The following SUMF1 variants were observed in gnomAD, a reference collection of about 807,000 sequenced individuals.
SUMF1 encodes sulfatase modifying factor 1, also known as formylglycine-generating enzyme.
Under a neutral mutation model 47.6 loss-of-function variants are expected in SUMF1, and 48 were observed. The observed-to-expected ratio is 1.01, with a 90% CI of 0.80 to 1.28. The LOEUF (loss-of-function observed/expected upper bound fraction) is 1.28, where lower values mean the gene tolerates loss of function less well. SUMF1 is among the 50% of genes most tolerant of loss of function. The pLI is 0.00. For synonymous variants in SUMF1, 230 were observed against 192.1 expected, an observed-to-expected ratio of 1.20 and a Z score of -1.63; for missense variants, 571 against 485.4, an observed-to-expected ratio of 1.18 and a Z score of -1.66.
chr3:4,269,082 C>T (rs930987206), intron 8 of SUMF1, among the ~76,000 whole-genome samples: 2 of 152,138 alleles, frequency 1.3e-5, no homozygotes, highest in African/African-American at 2.4e-5. Flanking sequence ...CCACCCAGAT[C>T]AGTGATGATC....
rs1244416541 is a variant in SUMF1, at chr3:4,376,405, A to G, written c.955-16T>C. 6.2e-7 allele frequency: 1 copy of G among 1,614,036 alleles called. No homozygotes were observed. The highest frequency in any genetic ancestry group is 8.5e-7 in the Non-Finnish European group (1 of 1,179,894). On this transcript the variant is annotated splice_polypyrimidine_tract_variant and intron_variant, in intron 7 of 8. Coordinates refer to ENST00000272902, the MANE Select transcript of SUMF1 (RefSeq NM_182760.4). Reference sequence around the variant, plus strand: ...GGGGACCTTTCTACAGATGAAGAAAAAAGGCTATGTTAGACCAGAAGGCAA... The same window carrying G: ...GGGGACCTTTCTACAGATGAAGAAAGAAGGCTATGTTAGACCAGAAGGCAA...
At chr3:4,049,634 A>G (rs1695069082) in intron 9 of SUMF1, among the ~76,000 whole-genome samples, 1 of 152,142 alleles carries the variant, frequency 6.6e-6, no homozygotes, top group East Asian at 1.9e-4. Context: ...CCAGGGCAGC[A>G]TTCAGGGTTG....
chr3:4,254,783 G>C (rs1223160490), intron 8 of SUMF1, among the ~76,000 whole-genome samples: 1 of 149,420 alleles, frequency 6.7e-6, no homozygotes, highest in Non-Finnish European at 1.5e-5. Context: ...GATACTCCTC[G>C]AGAAGAGCAA....
chr3:4,301,271 T>C (rs1697957825), intron 8 of SUMF1, among the ~76,000 whole-genome samples: 1 of 152,124 alleles, frequency 6.6e-6, no homozygotes, highest in African/African-American at 2.4e-5. Context: ...TAGAATGGCT[T>C]TTTGAGGGAA....
rs533718093 is a variant in SUMF1 at position 4,053,337 on chromosome 3, T to C, written c.1191+15232A>G. ...TTACAATAGTAACATCAAAGATCAA[T>C]GATCACAGATCACTGTAACAGATAT... On this transcript the variant is annotated intron_variant and NMD_transcript_variant, in intron 9 of 12. Coordinates refer to the SUMF1 transcript ENST00000448413. Among the ~76,000 whole-genome samples the C allele has an allele frequency of 1.6e-4, 25 of 152,216 alleles. No individual in the cohort carries two copies. In the South Asian group the frequency reaches 5.2e-3, roughly 32 times the overall value.
chr3:4,280,966 A>C (rs550586974), intron 8 of SUMF1, among the ~76,000 whole-genome samples: 10 of 151,912 alleles, frequency 6.6e-5, no homozygotes, highest in African/African-American at 2.4e-4. Context: ...ACCTGCAAAG[A>C]CCCTATTTCC....
intron 8 of SUMF1, among the ~76,000 whole-genome samples, chr3:4,245,955 C>T (rs1696658193): frequency 1.3e-5 from 2 of 152,312 alleles, no homozygotes; most frequent in South Asian, 4.1e-4. Context: ...CCTACTGAAG[C>T]CTCAGCAATC....
At chr3:4,296,612 T>C (rs1559206957) in intron 8 of SUMF1, among the ~76,000 whole-genome samples, 2 of 152,148 alleles carry the variant, frequency 1.3e-5, no homozygotes, top group African/African-American at 4.8e-5. Context: ...ACTTACTCAC[T>C]ATCAGGAGAA....
intron 8 of SUMF1, chr3:4,316,359 T>C: frequency 2.0e-6 from 3 of 1,531,972 alleles, no homozygotes; most frequent in Non-Finnish European, 2.6e-6. Flanking sequence ...GCAGTGGTGG[T>C]TCAAGAAGTT....
chr3:4,189,278 T>C (rs556173427), intron 8 of SUMF1, among the ~76,000 whole-genome samples: 1 of 152,268 alleles, frequency 6.6e-6, no homozygotes, highest in African/African-American at 2.4e-5. Flanking sequence ...CCAGCAGACT[T>C]CTGCATTTTG....
intron 8 of SUMF1, among the ~76,000 whole-genome samples, chr3:4,215,492 G>A (rs1203463813): frequency 1.3e-5 from 2 of 152,174 alleles, no homozygotes; most frequent in Non-Finnish European, 2.9e-5. Flanking sequence ...CACAAGGCAA[G>A]GATGCCCTCT....
Position 4,320,202 on chromosome 3 carries a change from C to G in SUMF1, c.1014+56128G>C, listed in dbSNP as rs139500957. On this transcript the variant is annotated intron_variant and NMD_transcript_variant, in intron 8 of 12. Transcript: ENST00000448413. ...AGGAATGCAGACTGTGACAAGAGAA[C>G]ATAACTATTAGTACAAATGTAGGAA... Among the ~76,000 whole-genome samples the G allele has an allele frequency of 4.3e-4, 65 of 152,186 alleles. No homozygotes were observed. In the East Asian group the frequency reaches 0.01, roughly 24 times the overall value.
rs925287373 is a variant in SUMF1, at chr3:4,435,796, G to A, written c.519+13470C>T. Among the ~76,000 whole-genome samples, 78 of 152,256 alleles carry A rather than the reference G, an allele frequency of 5.1e-4. 4 individuals are homozygous for A. Among genetic ancestry groups the A allele is most frequent in the South Asian group, 1.7e-3 (8 of 4,834 alleles). ...GAAAATTCCCTTCAGGAATGAAGGT[G>A]AAATAAAAACATCAGATGAAGAAAA... On this transcript the variant is annotated intron_variant, in intron 3 of 8. Transcript: ENST00000272902.
At chr3:4,291,142 ACT>A (rs1697734798) in intron 8 of SUMF1, among the ~76,000 whole-genome samples, 1 of 152,038 alleles carries the variant, frequency 6.6e-6, no homozygotes, top group South Asian at 2.1e-4. Context: ...ATTCCCGATA[ACT>A]CTATCATGGT....
rs372092145 is a variant in SUMF1 at position 4,183,620 on chromosome 3, AG to A, written c.1015-114876del. On this transcript the variant is annotated intron_variant and NMD_transcript_variant, in intron 8 of 12. Coordinates refer to the SUMF1 transcript ENST00000448413. ...AGCATTACAGGCTCACTTCTTTGGC[AG>A]GATCTACACCTAAATAACTCATGAT... is the stretch of plus-strand genomic sequence containing the variant. Among the ~76,000 whole-genome samples the A allele has an allele frequency of 3.6e-3, 492 of 136,768 alleles. 4 individuals are homozygous for A. Among genetic ancestry groups the A allele is most frequent in the African/African-American group, 0.013 (459 of 36,640 alleles). 89.7% of individuals were successfully genotyped at this position (136,768 alleles called of 152,430 possible). A position where few individuals can be genotyped will look rare whatever the true frequency, so the allele number is the denominator to read the frequency against.
intron 8 of SUMF1, among the ~76,000 whole-genome samples, chr3:4,298,409 C>T (rs1697901855): frequency 6.6e-6 from 1 of 152,034 alleles, no homozygotes; most frequent in South Asian, 2.1e-4. Context: ...GATCCTCTGC[C>T]AGCAAGATAA....
chr3:4,070,222 C>T (rs1050072428), intron 8 of SUMF1, among the ~76,000 whole-genome samples: 1 of 152,260 alleles, frequency 6.6e-6, no homozygotes, highest in Non-Finnish European at 1.5e-5. Flanking sequence ...TGATTGATGT[C>T]TCATGCCTCC....
chr3:4,359,440 A>G (rs1017749070), downstream of SUMF1, among the ~76,000 whole-genome samples: 8 of 152,068 alleles, frequency 5.3e-5, no homozygotes, highest in Admixed American at 5.2e-4. Context: ...GCCATGCCCA[A>G]CTAATTTTGA....
chr3:4,427,345 C>A (rs1702101024), intron 3 of SUMF1, among the ~76,000 whole-genome samples: 1 of 152,034 alleles, frequency 6.6e-6, no homozygotes, highest in African/African-American at 2.4e-5. Flanking sequence ...CATCAGTGAA[C>A]AATGAGAAAT....
Sources: allele counts gnomAD v4.1 joint callset (sites outside exome capture counted in the v4.1 genomes callset), GRCh38; gene constraint gnomAD v4.1.1; transcripts MANE v1.5; gene names NCBI Gene and HGNC (gene_info 2026-07-23, HGNC 2026-07-21).